BMS1: variants seen among roughly 807,000 people sequenced by gnomAD.
BMS1 encodes ribosome biogenesis protein BMS1 homolog.
Under a neutral mutation model 138.7 loss-of-function variants are expected in BMS1, and 53 were observed. The observed-to-expected ratio is 0.38, with a 90% confidence interval of 0.31 to 0.48. The LOEUF is 0.48. Ranked by LOEUF, BMS1 falls within the 20% of genes least tolerant of loss-of-function variation. The pLI is 0.97. For missense variants in BMS1, 1,360 were observed against 1,565.5 expected (o/e 0.87, Z 2.22); for synonymous variants, 504 against 539.9 (o/e 0.93, Z 0.92).
intron 13 of BMS1, among the ~76,000 whole-genome samples, chr10:42,810,843 A>G (rs1414069047): frequency 6.6e-6 from 1 of 152,110 alleles, no homozygotes; most frequent in African/African-American, 2.4e-5. Flanking sequence ...TATTTGCTTA[A>G]TACTCTTTAA....
intron 15 of BMS1, among the ~76,000 whole-genome samples, chr10:42,818,773 GGAGTGAGTGCA>G (rs1323391608): frequency 1.3e-5 from 2 of 152,152 alleles, no homozygotes; most frequent in African/African-American, 2.4e-5. Flanking sequence ...GAGGTGGCCG[GGAGTGAGTGCA>G]GAGTGAGTGG....
At chr10:42,801,653 G>A (rs966475218) in intron 12 of BMS1, among the ~76,000 whole-genome samples, 9 of 152,094 alleles carry the variant, frequency 5.9e-5, no homozygotes, top group Non-Finnish European at 1.3e-4. Flanking sequence ...TCTTCATATT[G>A]TTTGCCCATT....
At position 42,830,311 on chromosome 10, in the gene BMS1, C is replaced by G; in HGVS notation, c.3507C>G (p.Ala1169=). 1 of 1,613,900 alleles carries G rather than the reference C, an allele frequency of 6.2e-7. No individual in the cohort carries two copies. Among genetic ancestry groups the G allele is most frequent in the Non-Finnish European group, 8.5e-7 (1 of 1,179,990 alleles). The change falls in exon 22 of 23, where the codon GCC becomes GCG. Residue 1169 remains alanine, a synonymous_variant. Coordinates refer to ENST00000374518, the MANE Select transcript of BMS1 (RefSeq NM_014753.4). ...TTAATTCACTGCACATTCCAAAAGC[C>G]TTGCAGAAGGCCCTGCCATTTAAGA... ...KHFNSLHIPK[A]LQKALPFKNK...
chr10:42,798,405 A>G, intron 11 of BMS1, 63 bp from the exon 12 acceptor site: 1 of 1,597,502 alleles, frequency 6.3e-7, no homozygotes, highest in East Asian at 2.2e-5. Flanking sequence ...ACTGGTTGAA[A>G]ATGATGAGTC....
chr10:42,817,610 C>A, intron 15 of BMS1, 116 bp downstream of exon 15: 1 of 1,031,168 alleles, frequency 9.7e-7, no homozygotes, highest in Non-Finnish European at 1.4e-6. Flanking sequence ...TGCTTCTGTG[C>A]CTTTCATTCG....
intron 12 of BMS1, among the ~76,000 whole-genome samples, chr10:42,801,544 G>T (rs887919627): frequency 6.6e-6 from 1 of 152,222 alleles, no homozygotes; most frequent in South Asian, 2.1e-4. Context: ...CCATCCTAGA[G>T]GGGGTGAAGT....
intron 19 of BMS1, 136 bp downstream of exon 19, chr10:42,822,320 C>T (rs1842524497): frequency 7.2e-6 from 4 of 558,364 alleles, no homozygotes; most frequent in Non-Finnish European, 1.2e-5. Context: ...ATTTTGTTTG[C>T]TCCTTTATAT....
chr10:42,786,770 T>C (rs1236883027), intron 3 of BMS1, among the ~76,000 whole-genome samples: 1 of 152,108 alleles, frequency 6.6e-6, no homozygotes, highest in Non-Finnish European at 1.5e-5. Flanking sequence ...TTAGAAGTAA[T>C]TATTGTTATG....
chr10:42,790,576 G>A (rs916902143), intron 5 of BMS1, 65 bp downstream of exon 5: 33 of 1,530,514 alleles, frequency 2.2e-5, no homozygotes, highest in Middle Eastern at 1.7e-4. Context: ...TGAAGAGGCC[G>A]GGTGCAGTGG....
intron 13 of BMS1, 148 bp from the exon 14 acceptor site, chr10:42,816,451 T>G: frequency 1.8e-6 from 1 of 546,518 alleles, no homozygotes; most frequent in Non-Finnish European, 3.2e-6. Context: ...AAGCATTCCC[T>G]AGTGCAAAGT....
chr10:42,833,115 A>C lies in BMS1; in HGVS notation c.*2019A>C, dbSNP rs533383238. The C allele has an allele frequency of 1.3e-5, 2 of 152,326 alleles. No individual in the cohort carries two copies. Among genetic ancestry groups the C allele is most frequent in the South Asian group, 4.1e-4 (2 of 4,824 alleles). 9.4% of individuals were successfully genotyped at this position (152,326 alleles called of 1,614,324 possible). ...CCTTTAGCAATGGGGGAAATAAAAG[A>C]ATGTTTAATTACAGTTGCAGATAAT... On this transcript the variant is annotated 3_prime_UTR_variant, in exon 23 of 23. Coordinates refer to ENST00000374518, the MANE Select transcript of BMS1 (RefSeq NM_014753.4).
At chr10:42,815,730 G>A (rs1842330372) in intron 13 of BMS1, among the ~76,000 whole-genome samples, 1 of 152,122 alleles carries the variant, frequency 6.6e-6, no homozygotes, top group Admixed American at 6.5e-5. Context: ...TTAAGAGTGG[G>A]AACTATAATT....
rs1242347775 is a variant in BMS1, at chr10:42,831,960, A to G, written c.*864A>G. 6.6e-6 allele frequency: 1 copy of G among 152,142 alleles called. No individual in the cohort carries two copies. The highest frequency in any genetic ancestry group is 1.5e-5 in the Non-Finnish European group (1 of 68,028). 9.4% of individuals were successfully genotyped at this position (152,142 alleles called of 1,614,324 possible). On this transcript the variant is annotated 3_prime_UTR_variant, in exon 23 of 23. Transcript: ENST00000374518. ...GGGGAATCTATTCCTATACGATGTAATCATAGATTCACATATAGTTGTATA... is the reference window on the plus strand; with the variant it reads ...GGGGAATCTATTCCTATACGATGTAGTCATAGATTCACATATAGTTGTATA...
chr10:42,797,136 C>A lies in BMS1; in HGVS notation c.1892C>A (p.Pro631Gln). The change falls in exon 10 of 23, where the codon CCA becomes CAA. Residue 631 changes from proline to glutamine, a missense_variant. This residue lies in a region of BMS1 where 697 missense variants were observed against 686.2 expected (regional missense o/e 1.02). Transcript: ENST00000374518. ...GTGAGCAGTGGTCAGAAACTGGGGC[C>A]ACAGAACTTCATTGATGAGACCAGT... Reference protein sequence around the residue: ...SQVSSGQKLGPQNFIDETSDI... With the variant: ...SQVSSGQKLGQQNFIDETSDI... 1 of 1,614,116 alleles carries A rather than the reference C, an allele frequency of 6.2e-7. No homozygotes were observed. The highest frequency in any genetic ancestry group is 8.5e-7 in the Non-Finnish European group (1 of 1,180,014).
Position 42,802,174 on chromosome 10 carries a change from A to G in BMS1, c.2285A>G (p.Lys762Arg). Reference protein sequence around the residue: ...NSIRDCFVTGKWEDDKDAAKV... With the variant: ...NSIRDCFVTGRWEDDKDAAKV... ...ATCAGAGATTGCTTCGTGACTGGAAAGTGGGAAGATGATAAAGATGCAGCC... is the reference window on the plus strand; with the variant it reads ...ATCAGAGATTGCTTCGTGACTGGAAGGTGGGAAGATGATAAAGATGCAGCC... The change falls in exon 13 of 23, where the codon AAG (lysine) becomes AGG (arginine). Residue 762 changes from lysine to arginine, a missense_variant. Lys to Arg is a conservative substitution (Grantham distance 26, BLOSUM62 2). Coordinates refer to ENST00000374518, the MANE Select transcript of BMS1 (RefSeq NM_014753.4). 1 of 1,613,662 alleles carries G rather than the reference A, an allele frequency of 6.2e-7. No individual in the cohort carries two copies. The highest frequency in any genetic ancestry group is 1.7e-5 in the Admixed American group (1 of 59,990).
chr10:42,798,467 G>A lies in BMS1; in HGVS notation c.2090-1G>A, dbSNP rs1841763919. ...CTTTTCTGCCATGGTGTGCTCTTTA[G>A]TGACAGAAGATAATGAAGAAGAAGA... On this transcript the variant is annotated splice_acceptor_variant, in intron 11 of 22. Transcript: ENST00000374518. LOFTEE classifies it high-confidence loss of function. The A allele has an allele frequency of 1.9e-6, 3 of 1,614,198 alleles. No homozygotes were observed. Among genetic ancestry groups the A allele is most frequent in the East Asian group, 2.2e-5 (1 of 44,890 alleles).
At chr10:42,825,323 G>C (rs1842606677) in intron 21 of BMS1, among the ~76,000 whole-genome samples, 1 of 152,158 alleles carries the variant, frequency 6.6e-6, no homozygotes, top group Non-Finnish European at 1.5e-5. Context: ...GTTTTATTCT[G>C]TTCTGTGAAG....
rs1842822949 is a variant in BMS1 at position 42,832,767 on chromosome 10, G to C, written c.*1671G>C. 6.6e-6 allele frequency: 1 copy of C among 152,130 alleles called. No homozygotes were observed. The allele number at this position is 152,130 out of a possible 1,614,324, so 9.4% of individuals were successfully genotyped here. On this transcript the variant is annotated 3_prime_UTR_variant, in exon 23 of 23. Coordinates refer to ENST00000374518, the MANE Select transcript of BMS1 (RefSeq NM_014753.4). ...CTCCCAGACCTCTCTGGGCAACTCT[G>C]GGTGTACATTTTCCTCTGTTCCTCA...
chr10:42,824,399 T>C (rs547942100), intron 21 of BMS1, among the ~76,000 whole-genome samples: 12 of 152,356 alleles, frequency 7.9e-5, no homozygotes, highest in African/African-American at 2.4e-4. Flanking sequence ...TTATCAGATA[T>C]GTGGTTTGCA....
Sources: gnomAD v4.1 joint callset for allele counts (sites outside exome capture counted in the v4.1 genomes callset) on GRCh38, gnomAD v4.1.1 for gene constraint, gnomAD v4.1.1 regional missense constraint, MANE v1.5 for transcripts, NCBI Gene and HGNC (gene_info 2026-07-23, HGNC 2026-07-21) for gene names.